The following RELN variants were observed in gnomAD, a reference collection of about 807,000 sequenced individuals.
RELN encodes reelin.
A neutral mutation model predicts 427.6 loss-of-function variants in RELN; 108 were observed. The ratio of observed to expected loss-of-function variants is 0.25; its 90% confidence interval spans 0.22 to 0.30. The LOEUF is 0.30. Among genes scored for constraint, RELN ranks in the 10% least tolerant of loss-of-function variants. The pLI is 1.00. For missense variants in RELN, 3,715 were observed against 4,302.8 expected (o/e 0.86, Z 3.82); for synonymous variants, 1,524 against 1,513.4 (o/e 1.01, Z -0.16).
intron 2 of RELN, among the ~76,000 whole-genome samples, chr7:103,903,178 T>C (rs891754396): frequency 6.6e-6 from 1 of 151,910 alleles, no homozygotes; most frequent in African/African-American, 2.4e-5. Context: ...TTCAATCCTG[T>C]CTCCTGTTAA....
At position 103,610,822 on chromosome 7, in the gene RELN, G is replaced by A. The variant is rs1183309062; in HGVS notation, c.2896-15C>T. ...GGAAGGCATTCCTGAAAGAAAGTTA[G>A]GCACAAATCAAACCCAGCTTCTGTT... On this transcript the variant is annotated splice_polypyrimidine_tract_variant and intron_variant, in intron 21 of 64. Coordinates refer to ENST00000428762, the MANE Select transcript of RELN (RefSeq NM_005045.4). 1 of 1,461,500 alleles carries A rather than the reference G, an allele frequency of 6.8e-7. No homozygotes were observed. Among genetic ancestry groups the A allele is most frequent in the Non-Finnish European group, 9.6e-7 (1 of 1,041,308 alleles). 90.5% of individuals were successfully genotyped at this position (1,461,500 alleles called of 1,614,324 possible).
At chr7:103,480,115 G>A (rs1828180326) in intron 63 of RELN, among the ~76,000 whole-genome samples, 1 of 152,094 alleles carries the variant, frequency 6.6e-6, no homozygotes, top group Admixed American at 6.6e-5. Context: ...TCCTCTCCCT[G>A]CCATGCTTGA....
intron 24 of RELN, among the ~76,000 whole-genome samples, chr7:103,599,443 T>C (rs1831613969): frequency 6.6e-6 from 1 of 152,208 alleles, no homozygotes; most frequent in South Asian, 2.1e-4. Context: ...TTTTCCAATC[T>C]ATTTAGTCTC....
intron 2 of RELN, among the ~76,000 whole-genome samples, chr7:103,841,659 C>CT (rs1459053031): frequency 6.6e-6 from 1 of 152,118 alleles, no homozygotes; most frequent in Non-Finnish European, 1.5e-5. Flanking sequence ...AATGTGCACT[C>CT]TTTGAGTCTT....
chr7:103,706,554 A>T (rs1834204662), intron 8 of RELN, among the ~76,000 whole-genome samples: 1 of 152,226 alleles, frequency 6.6e-6, no homozygotes, highest in African/African-American at 2.4e-5. Context: ...AATGAGATAC[A>T]GAATGGAGTA....
intron 6 of RELN, among the ~76,000 whole-genome samples, chr7:103,744,389 C>A (rs1168385501): frequency 6.6e-6 from 1 of 151,862 alleles, no homozygotes; most frequent in Non-Finnish European, 1.5e-5. Flanking sequence ...CAAAAGCTAG[C>A]AGAAGGCAAG....
chr7:103,818,795 T>A (rs1792945124), intron 3 of RELN, among the ~76,000 whole-genome samples: 1 of 152,082 alleles, frequency 6.6e-6, no homozygotes, highest in Non-Finnish European at 1.5e-5. Flanking sequence ...ACTCATAATA[T>A]AATGTAATGT....
At chr7:103,926,495 G>C (rs189157790) in intron 1 of RELN, among the ~76,000 whole-genome samples, 17 of 151,680 alleles carry the variant, frequency 1.1e-4, no homozygotes, top group African/African-American at 4.1e-4. Flanking sequence ...AACATGCCAA[G>C]AGTGACCTTG....
At chr7:103,737,897 C>T (rs1347239661) in intron 6 of RELN, among the ~76,000 whole-genome samples, 1 of 152,010 alleles carries the variant, frequency 6.6e-6, no homozygotes, top group Non-Finnish European at 1.5e-5. Context: ...GTATCATTAT[C>T]CAACTGATGG....
Position 103,593,699 on chromosome 7 carries a change from A to G in RELN, c.3895T>C (p.Tyr1299His), listed in dbSNP as rs1274780527. The change falls in exon 27 of 65, where the codon TAT becomes CAT. Residue 1299 changes from tyrosine to histidine, a missense_variant. Physicochemically the swap from Tyr to His is moderately conservative, Grantham distance 83. Around this residue, in one of 4 missense-constraint regions of RELN, gnomAD observed 2,208 missense variants for 2,361.7 expected, o/e 0.93. Transcript: ENST00000428762. ...ATAAATACCTTGAACTGTAGCACAT[A>G]TCCAGGTTTCAGGGTCAAATCTCGA... ...VTRDLTLKPG[Y>H]VLQFKLNIGC... 1.2e-6 allele frequency: 2 copies of G among 1,613,506 alleles called. No individual in the cohort carries two copies. The highest frequency in any genetic ancestry group is 1.7e-6 in the Non-Finnish European group (2 of 1,179,594).
intron 49 of RELN, among the ~76,000 whole-genome samples, chr7:103,518,505 G>GTTTATTTTTTTTTTTTTTT (rs1829625291): frequency 8.7e-6 from 1 of 114,404 alleles, no homozygotes; most frequent in Non-Finnish European, 1.6e-5. Context: ...GGTAATTTAA[G>GTTTATTTTTTTTTTTTTTT]TTTTTTTTTT....
intron 1 of RELN, among the ~76,000 whole-genome samples, chr7:103,947,367 TA>T (rs1314153178): frequency 6.6e-6 from 1 of 152,154 alleles, no homozygotes; most frequent in Non-Finnish European, 1.5e-5. Flanking sequence ...TTTACAGAGG[TA>T]AACACGTTAA....
intron 2 of RELN, among the ~76,000 whole-genome samples, chr7:103,915,061 C>T (rs1376821430): frequency 2.6e-5 from 4 of 152,170 alleles, no homozygotes; most frequent in South Asian, 2.1e-4. Flanking sequence ...CCTATCTAGC[C>T]GTATCCCCTT....
intron 3 of RELN, among the ~76,000 whole-genome samples, chr7:103,804,382 T>A (rs1792545672): frequency 6.6e-6 from 1 of 152,098 alleles, no homozygotes; most frequent in African/African-American, 2.4e-5. Flanking sequence ...AATAGTGGTA[T>A]GAAGAGAAAC....
intron 3 of RELN, among the ~76,000 whole-genome samples, chr7:103,816,402 TA>T (rs1792870270): frequency 6.6e-6 from 1 of 152,098 alleles, no homozygotes; most frequent in Non-Finnish European, 1.5e-5. Context: ...TGCATTACAT[TA>T]AAAAATGTCT....
intron 2 of RELN, among the ~76,000 whole-genome samples, chr7:103,895,601 A>C (rs897303964): frequency 1.3e-5 from 2 of 152,160 alleles, no homozygotes; most frequent in Admixed American, 6.6e-5. Flanking sequence ...TACATCATGA[A>C]AATGGTCCTG....
In RELN at chr7:103,654,158, A is replaced by G. The variant is rs1832979227; in HGVS notation, c.1489T>C (p.Tyr497His). 6.2e-7 allele frequency: 1 copy of G among 1,611,548 alleles called. No individual in the cohort carries two copies. The highest frequency in any genetic ancestry group is 1.3e-5 in the African/African-American group (1 of 74,794). Residue 497 changes from tyrosine to histidine, a missense_variant, in exon 13 of 65, where the codon TAT (tyrosine) becomes CAT (histidine). By Grantham distance (83) the Tyr-to-His change is moderately conservative. This residue lies in a region of RELN where 2,208 missense variants were observed against 2,361.7 expected (regional missense o/e 0.93). Transcript: ENST00000428762. The part of the protein sequence containing the change: ...GNSHENDIIL[Y>H]AKIEGRKEHI... ...TCTTTTCTTCCTTCAATTTTTGCAT[A>G]CAGGATTATGTCATTTTCATGAGAA... is the stretch of plus-strand genomic sequence containing the variant.
At chr7:103,550,372 A>G (rs1830385333) in intron 41 of RELN, among the ~76,000 whole-genome samples, 1 of 152,222 alleles carries the variant, frequency 6.6e-6, no homozygotes, top group Non-Finnish European at 1.5e-5. Context: ...ATACTCTGAA[A>G]GAAAACATTC....
At chr7:103,473,187 C>A (rs2116946746) in intron 64 of RELN, among the ~76,000 whole-genome samples, 1 of 152,254 alleles carries the variant, frequency 6.6e-6, no homozygotes, top group South Asian at 2.1e-4. Context: ...ATAGCAAAAG[C>A]AAACTGTTTT....
Sources: gnomAD v4.1 joint callset for allele counts (sites outside exome capture counted in the v4.1 genomes callset) on GRCh38, gnomAD v4.1.1 for gene constraint, gnomAD v4.1.1 regional missense constraint, MANE v1.5 for transcripts, NCBI Gene and HGNC (gene_info 2026-07-23, HGNC 2026-07-21) for gene names.